The following EPHA3 variants were observed in gnomAD, a reference collection of about 807,000 sequenced individuals.
EPHA3 encodes ephrin type-A receptor 3.
A neutral mutation model predicts 107.1 loss-of-function variants in EPHA3; 42 were observed. The ratio of observed to expected loss-of-function variants is 0.39; its 90% CI spans 0.31 to 0.51. The LOEUF (loss-of-function observed/expected upper bound fraction) is 0.51. EPHA3 is among the 20% of genes least tolerant of loss of function. The pLI is 0.78. For synonymous variants in EPHA3, 461 were observed against 424.8 expected (o/e 1.09, Z -1.05); for missense variants, 1,183 against 1,211.2 (o/e 0.98, Z 0.35).
At chr3:89,152,149 T>A (rs186436363) in intron 2 of EPHA3, among the ~76,000 whole-genome samples, 1 of 152,236 alleles carries the variant, frequency 6.6e-6, no homozygotes, top group East Asian at 1.9e-4. Flanking sequence ...AAGGTACTCA[T>A]CAACATTATG....
At chr3:89,423,766 T>C (rs1709398984) in intron 11 of EPHA3, among the ~76,000 whole-genome samples, 1 of 151,470 alleles carries the variant, frequency 6.6e-6, no homozygotes, top group Non-Finnish European at 1.5e-5. Flanking sequence ...CTTGGATGAA[T>C]AGGCCATTTT....
intron 7 of EPHA3, among the ~76,000 whole-genome samples, chr3:89,406,805 T>C (rs922885710): frequency 2.2e-4 from 34 of 152,128 alleles, no homozygotes; most frequent in Non-Finnish European, 4.9e-4. Context: ...TGGTATGTGT[T>C]GAGGTCCATG....
intron 2 of EPHA3, among the ~76,000 whole-genome samples, chr3:89,165,430 TATTTCAA>T (rs1475274572): frequency 6.6e-6 from 1 of 152,208 alleles, no homozygotes; most frequent in Non-Finnish European, 1.5e-5. Flanking sequence ...AATGCAAATA[TATTTCAA>T]ATTGGTTCAA....
Position 89,237,976 on chromosome 3 carries a change from C to T in EPHA3, c.814+27456C>T, listed in dbSNP as rs548360146. On this transcript the variant is annotated intron_variant, in intron 3 of 16. Coordinates refer to ENST00000336596, the MANE Select transcript of EPHA3 (RefSeq NM_005233.6). ...CCTGGGCTACAGAGTGAGACCATGT[C>T]TCAGGAAAAAAAAAAAAAAAGAGGA... Among the ~76,000 whole-genome samples the T allele has an allele frequency of 3.1e-3, 455 of 145,936 alleles. 2 individuals are homozygous for T. Among genetic ancestry groups the T allele is most frequent in the Non-Finnish European group, 4.0e-3 (270 of 66,924 alleles).
rs189449338 is a variant in EPHA3 at position 89,429,788 on chromosome 3, A to C, written c.2136+621A>C. Reference sequence around the variant, plus strand: ...CTCTTGTTGCCCAGGCAATGGTGCAATGGTGCAATGGTGCAATGGTGCAAT... The same window carrying C: ...CTCTTGTTGCCCAGGCAATGGTGCACTGGTGCAATGGTGCAATGGTGCAAT... On this transcript the variant is annotated intron_variant, in intron 12 of 16. Coordinates refer to ENST00000336596, the MANE Select transcript of EPHA3 (RefSeq NM_005233.6). Among the ~76,000 whole-genome samples, 293 of 148,124 alleles carry C rather than the reference A, an allele frequency of 2.0e-3. 2 individuals carry two copies. Among genetic ancestry groups the C allele is most frequent in the African/African-American group, 6.9e-3 (266 of 38,512 alleles).
chr3:89,351,301 G>T (rs191712359), intron 5 of EPHA3, among the ~76,000 whole-genome samples: 9,621 of 151,246 alleles, frequency 0.064, 707 homozygotes, highest in Non-Finnish European at 0.1. Flanking sequence ...TGAGCCAGGT[G>T]TGGGATATAG....
At chr3:89,236,793 A>T (rs1704775872) in intron 3 of EPHA3, among the ~76,000 whole-genome samples, 1 of 152,212 alleles carries the variant, frequency 6.6e-6, no homozygotes, top group Non-Finnish European at 1.5e-5. Context: ...AAATAAAATT[A>T]AAGAAAGCTA....
chr3:89,201,335 C>T (rs1227814003), intron 2 of EPHA3, among the ~76,000 whole-genome samples: 4 of 152,030 alleles, frequency 2.6e-5, no homozygotes, highest in Non-Finnish European at 5.9e-5. Flanking sequence ...TACCATTCAC[C>T]GTGAGAGTTA....
chr3:89,443,462 T>A (rs1362624205), intron 13 of EPHA3, among the ~76,000 whole-genome samples: 1 of 152,182 alleles, frequency 6.6e-6, no homozygotes, highest in Non-Finnish European at 1.5e-5. Context: ...GAAAGCAGTA[T>A]GATTTAAGAA....
At chr3:89,195,944 C>A (rs1410001398) in intron 2 of EPHA3, among the ~76,000 whole-genome samples, 1 of 152,100 alleles carries the variant, frequency 6.6e-6, no homozygotes, top group Non-Finnish European at 1.5e-5. Context: ...CTTTATAGCA[C>A]CCAGAGTGAT....
At chr3:89,255,067 TAA>T (rs1010268525) in intron 3 of EPHA3, among the ~76,000 whole-genome samples, 1 of 152,156 alleles carries the variant, frequency 6.6e-6, no homozygotes, top group Non-Finnish European at 1.5e-5. Flanking sequence ...CTTCCTTTCA[TAA>T]AAAAAGTTTA....
intron 3 of EPHA3, among the ~76,000 whole-genome samples, chr3:89,269,234 C>T (rs142629062): frequency 1.3e-5 from 2 of 152,122 alleles, no homozygotes; most frequent in East Asian, 1.9e-4. Flanking sequence ...TACAGAGAGA[C>T]TGAGGCACAG....
At chr3:89,298,187 T>A (rs1706404914) in intron 3 of EPHA3, among the ~76,000 whole-genome samples, 1 of 152,166 alleles carries the variant, frequency 6.6e-6, no homozygotes. Context: ...GTTCTTTCCC[T>A]GACCTCAGGA....
intron 5 of EPHA3, among the ~76,000 whole-genome samples, chr3:89,365,696 G>A (rs1050522438): frequency 6.6e-6 from 1 of 150,540 alleles, no homozygotes; most frequent in Non-Finnish European, 1.5e-5. Context: ...TTTGGTTCCT[G>A]AACCTACTTA....
chr3:89,142,875 T>C (rs1485265943), intron 2 of EPHA3, among the ~76,000 whole-genome samples: 3 of 151,352 alleles, frequency 2.0e-5, no homozygotes, highest in Non-Finnish European at 3.0e-5. Flanking sequence ...AAAAAGAGCA[T>C]GGATCCGGCA....
At chr3:89,243,606 GT>G (rs1559616399) in intron 3 of EPHA3, among the ~76,000 whole-genome samples, 1 of 152,056 alleles carries the variant, frequency 6.6e-6, no homozygotes, top group African/African-American at 2.4e-5. Flanking sequence ...GGGGTTGTTG[GT>G]TTTTTTCTTG....
intron 5 of EPHA3, among the ~76,000 whole-genome samples, chr3:89,385,272 C>T (rs2107490616): frequency 6.6e-6 from 1 of 152,170 alleles, no homozygotes; most frequent in Middle Eastern, 3.4e-3. Flanking sequence ...TCAATATTAA[C>T]CTCTTATATG....
In EPHA3 at chr3:89,481,965, A is replaced by C; in HGVS notation, c.*2463A>C. 1 of 225,958 alleles carries C rather than the reference A, an allele frequency of 4.4e-6. No individual in the cohort carries two copies. The highest frequency in any genetic ancestry group is 8.8e-6 in the Non-Finnish European group (1 of 113,150). 14.0% of individuals were successfully genotyped at this position (225,958 alleles called of 1,614,324 possible). ...GCTAAATATCAATCAAGCCATGTATAAATGTGATATGATTGGCAATATGTG... is the reference window on the plus strand; with the variant it reads ...GCTAAATATCAATCAAGCCATGTATCAATGTGATATGATTGGCAATATGTG... On this transcript the variant is annotated 3_prime_UTR_variant, in exon 17 of 17. Transcript: ENST00000336596.
At chr3:89,339,370 C>CAAA (rs10575384) in intron 3 of EPHA3, among the ~76,000 whole-genome samples, 30 of 106,550 alleles carry the variant, frequency 2.8e-4, no homozygotes, top group African/African-American at 4.7e-4. Context: ...GACTCCATCT[C>CAAA]AAAAAAAAAA....
Sources: gnomAD v4.1 joint callset for allele counts (sites outside exome capture counted in the v4.1 genomes callset) on GRCh38, gnomAD v4.1.1 for gene constraint, MANE v1.5 for transcripts, NCBI Gene and HGNC (gene_info 2026-07-23, HGNC 2026-07-21) for gene names.